Variants in RDH13 observed in about 807,000 individuals in gnomAD.
RDH13 encodes the protein retinol dehydrogenase 13.
RDH13 carries 35 observed loss-of-function variants against 28.3 expected under a neutral mutation model. The observed-to-expected ratio is 1.24, with a 90% CI of 0.95 to 1.64. The LOEUF is 1.64. Among genes scored for constraint, RDH13 ranks in the 40% most tolerant of loss-of-function variants. The pLI is 0.00. For missense variants in RDH13, 514 were observed against 446.3 expected, an observed-to-expected ratio of 1.15 and a Z score of -1.37; for synonymous variants, 229 against 198.5, an observed-to-expected ratio of 1.15 and a Z score of -1.29.
At chr19:55,059,665 T>G in intron 1 of RDH13, among the ~76,000 whole-genome samples, 1 of 152,138 alleles carries the variant, frequency 6.6e-6, no homozygotes, top group East Asian at 1.9e-4. Flanking sequence ...CCGTCTCTAC[T>G]TAAAATACAA....
chr19:55,047,203 T>C, intron 6 of RDH13, 184 bp downstream of exon 6: 1 of 1,402,864 alleles, frequency 7.1e-7, no homozygotes, highest in South Asian at 1.6e-5. Context: ...TTCCCGGGGC[T>C]GTTAGAGGCT....
chr19:55,047,900 G>A (rs2075290998), intron 5 of RDH13: 2 of 519,680 alleles, frequency 3.8e-6, no homozygotes, highest in Non-Finnish European at 6.6e-6. Context: ...GGAGTGAGGG[G>A]CCATCCCGTG....
chr19:55,041,184 C>G (rs1221278862), downstream of RDH13: 1 of 152,180 alleles, frequency 6.6e-6, no homozygotes, highest in African/African-American at 2.4e-5. Context: ...CTATGTTGCC[C>G]AGGCTGGTCT....
At chr19:55,056,470 T>TAATAAATA (rs3060075) in intron 3 of RDH13, among the ~76,000 whole-genome samples, 183 bp downstream of exon 3, 1 of 151,464 alleles carries the variant, frequency 6.6e-6, no homozygotes, top group Non-Finnish European at 1.5e-5. Flanking sequence ...ATAACAGTAG[T>TAATAAATA]AATAAATAAA....
At chr19:55,064,734 T>C (rs2075918597), upstream of RDH13, among the ~76,000 whole-genome samples, 1 of 150,124 alleles carries the variant, frequency 6.7e-6, no homozygotes. Flanking sequence ...TGCCTCAGCC[T>C]CCCGAGTAGC....
chr19:55,051,753 G>C (rs948312230), intron 3 of RDH13, among the ~76,000 whole-genome samples: 17 of 149,364 alleles, frequency 1.1e-4, no homozygotes, highest in Admixed American at 4.7e-4. Flanking sequence ...CTTTTTATGA[G>C]AGGGAAGCTC....
chr19:55,064,674 G>C (rs974235528), upstream of RDH13, among the ~76,000 whole-genome samples: 1 of 148,642 alleles, frequency 6.7e-6, no homozygotes, highest in Non-Finnish European at 1.5e-5. Flanking sequence ...AGAGCAGTGG[G>C]CGATCTCAGC....
intron 3 of RDH13, among the ~76,000 whole-genome samples, chr19:55,049,529 C>G (rs1476242540): frequency 6.6e-6 from 1 of 152,146 alleles, no homozygotes; most frequent in Non-Finnish European, 1.5e-5. Context: ...GTGGCTCACG[C>G]CTGTAATCCC....
Position 55,044,785 on chromosome 19 carries a change from C to T in RDH13, c.*289G>A, listed in dbSNP as rs931836487. 1.4e-5 allele frequency: 6 copies of T among 440,984 alleles called. No individual in the cohort carries two copies. Among genetic ancestry groups the T allele is most frequent in the African/African-American group, 8.1e-5 (4 of 49,608 alleles). The allele number at this position is 440,984 out of a possible 1,614,324, so 27.3% of individuals were successfully genotyped here. Reference sequence around the variant, plus strand: ...TCTCCTGACGTGGCCTGCAAGTGCACGGAGCCCCTTCCTCCTCGGCCATTC... The same window carrying T: ...TCTCCTGACGTGGCCTGCAAGTGCATGGAGCCCCTTCCTCCTCGGCCATTC... On this transcript the variant is annotated 3_prime_UTR_variant, in exon 7 of 7. Coordinates refer to ENST00000415061, the MANE Select transcript of RDH13 (RefSeq NM_001145971.2).
chr19:55,047,469 GT>G lies in RDH13; in HGVS notation c.677del (p.Asn226ThrfsTer94), dbSNP rs776129138. The G allele has an allele frequency of 5.0e-6, 8 of 1,608,262 alleles. No individual in the cohort carries two copies. The African/African-American group carries it at 1.1e-4, about 21-fold the overall frequency. On this transcript the variant is annotated frameshift_variant, in exon 6 of 7. Transcript: ENST00000415061. LOFTEE classifies it high-confidence loss of function. The part of the protein sequence containing the change: ...RRLQGSGVTV[N>X]ALHPGVARTE... ...TCCTGGCCACGCCGGGGTGCAGGGC[GT>G]TGACAGTCACACCAGAGCCTGGGGA...
chr19:55,048,161 G>C, intron 5 of RDH13, 168 bp downstream of exon 5: 1 of 1,534,874 alleles, frequency 6.5e-7, no homozygotes, highest in East Asian at 2.4e-5. Context: ...CGATCGATTA[G>C]TGATGTCTGC....
chr19:55,045,717 G>T lies in RDH13; in HGVS notation c.761-408C>A, dbSNP rs188550212. On this transcript the variant is annotated intron_variant, in intron 6 of 6. Coordinates refer to ENST00000415061, the MANE Select transcript of RDH13 (RefSeq NM_001145971.2). ...TCCCAGCACTTTGGGAGGCCGAGGC[G>T]GGCGGATTACCTGGGGTCGGGAGTT... 1.2e-3 allele frequency among the ~76,000 whole-genome samples: 173 copies of T among 149,902 alleles called. 1 individual carries two copies. Among genetic ancestry groups the T allele is most frequent in the Admixed American group, 3.2e-3 (48 of 15,040 alleles).
intron 3 of RDH13, among the ~76,000 whole-genome samples, chr19:55,054,613 G>A (rs1352042532): frequency 6.6e-6 from 1 of 152,146 alleles, no homozygotes; most frequent in Non-Finnish European, 1.5e-5. Flanking sequence ...CTGTCATCCA[G>A]GTTAGAGTGC....
In RDH13 at chr19:55,044,578, T is replaced by TACCACACCATCATGGGAGACAGCAGTTA. The variant is rs2075137402; in HGVS notation, c.*468_*495dup. On this transcript the variant is annotated 3_prime_UTR_variant, in exon 7 of 7. Transcript: ENST00000415061. ...GCCATAGCCAGACAACAGCTCGCTG[T>TACCACACCATCATGGGAGACAGCAGTTA]ACCACACCATCATGGGAGACAGCAG... The TACCACACCATCATGGGAGACAGCAGTTA allele has an allele frequency of 6.5e-6, 1 of 154,902 alleles. No homozygotes were observed. The highest frequency in any genetic ancestry group is 2.4e-5 in the African/African-American group (1 of 41,566). 9.6% of individuals were successfully genotyped at this position (154,902 alleles called of 1,614,324 possible).
At chr19:55,056,354 TCAGGAGGCTGAGGTCCGCGCTTGAACC>T (rs1232778311) in intron 3 of RDH13, among the ~76,000 whole-genome samples, 9 of 152,168 alleles carry the variant, frequency 5.9e-5, no homozygotes, top group South Asian at 4.2e-4. Context: ...TCCCAGCTAC[TCAGGAGGCTGAGGTCCGCGCTTGAACC>T]CAGGAGGCAG....
At position 55,047,400 on chromosome 19, in the gene RDH13, G is replaced by A; in HGVS notation, c.747C>T (p.Ser249=). The A allele has an allele frequency of 3.1e-6, 5 of 1,611,912 alleles. No individual in the cohort carries two copies. The highest frequency in any genetic ancestry group is 2.2e-5 in the South Asian group (2 of 90,988). The change falls in exon 6 of 7, where the codon TCC becomes TCT. Residue 249 remains serine (S), a synonymous_variant. Transcript: ENST00000415061. ...RHTGIHGSTF[S]STTLGPIFWL... The stretch of plus-strand genomic sequence containing the variant: ...GAGGGGACTCACCGAGTGTGGTGCT[G>A]GAGAAGGTGGAGCCATGGATGCCCG...
At chr19:55,055,822 T>C (rs142859442) in intron 3 of RDH13, among the ~76,000 whole-genome samples, 273 of 151,116 alleles carry the variant, frequency 1.8e-3, no homozygotes, top group African/African-American at 6.2e-3. Context: ...CACTGCACTC[T>C]AGCCTGGGTG....
intron 2 of RDH13, 58 bp downstream of exon 2, chr19:55,059,099 T>A: frequency 8.8e-7 from 1 of 1,132,792 alleles, no homozygotes; most frequent in African/African-American, 1.5e-5. Context: ...TGAATAATGC[T>A]GCAGTGAGCA....
intron 3 of RDH13, among the ~76,000 whole-genome samples, chr19:55,052,621 T>G (rs917153457): frequency 4.0e-5 from 6 of 150,660 alleles, no homozygotes; most frequent in Middle Eastern, 3.5e-3. Flanking sequence ...ACCTCCCAAG[T>G]AGTTGGGACT....
Sources: gnomAD v4.1 joint callset for allele counts (sites outside exome capture counted in the v4.1 genomes callset) on GRCh38, gnomAD v4.1.1 for gene constraint, MANE v1.5 for transcripts, NCBI Gene and HGNC (gene_info 2026-07-23, HGNC 2026-07-21) for gene names.